Variants in PHF21B observed in about 807,000 individuals in gnomAD.
PHF21B encodes PHD finger protein 21B, also known as PHD finger protein 4.
In PHF21B, 22 loss-of-function variants were observed where a neutral mutation model predicts 62.2. The observed-to-expected ratio is 0.35, with a 90% confidence interval of 0.25 to 0.51. PHF21B has a LOEUF of 0.51. Among genes scored for constraint, PHF21B ranks in the 20% least tolerant of loss-of-function variants. The pLI is 0.97. For missense variants in PHF21B, 701 were observed against 707.9 expected, an observed-to-expected ratio of 0.99 and a Z score of 0.11; for synonymous variants, 341 against 314.7, an observed-to-expected ratio of 1.08 and a Z score of -0.88.
rs1211236235 is a variant in PHF21B, at chr22:44,883,263, C to T, written c.1419G>A (p.Arg473=). ...ELKTSLLARQ[R]GTQSSLDRLR... Reference sequence around the variant, plus strand: ...GGCGGTCCAGGGATGACTGGGTGCCCCTCTGGCGGGCCAGCAGGCTTGTCT... The same window carrying T: ...GGCGGTCCAGGGATGACTGGGTGCCTCTCTGGCGGGCCAGCAGGCTTGTCT... Residue 473 remains arginine, a synonymous_variant, in exon 13 of 13, where the codon AGG becomes AGA. Transcript: ENST00000313237. The T allele has an allele frequency of 6.2e-7, 1 of 1,613,772 alleles. No individual in the cohort carries two copies. The highest frequency in any genetic ancestry group is 8.5e-7 in the Non-Finnish European group (1 of 1,179,948).
chr22:44,935,592 C>T (rs988670994), intron 2 of PHF21B, among the ~76,000 whole-genome samples: 24 of 150,656 alleles, frequency 1.6e-4, no homozygotes, highest in Admixed American at 1.1e-3. Context: ...CTAGCCTGGG[C>T]GACAGAGCAA....
At chr22:45,008,964 G>A (rs1229490948) in intron 1 of PHF21B, 14 of 1,078,968 alleles carry the variant, frequency 1.3e-5, no homozygotes, top group Non-Finnish European at 1.5e-5. Context: ...AGTAAACACG[G>A]CGAGTCCGTG....
chr22:44,917,666 T>C (rs541739838), intron 3 of PHF21B, among the ~76,000 whole-genome samples: 82 of 152,302 alleles, frequency 5.4e-4, no homozygotes, highest in African/African-American at 1.9e-3. Context: ...GTAATAATGA[T>C]GCTACCGTCG....
chr22:44,931,257 G>T (rs1192003825), intron 2 of PHF21B, among the ~76,000 whole-genome samples: 8 of 152,118 alleles, frequency 5.3e-5, no homozygotes. Flanking sequence ...CCAGAATGCT[G>T]CTCATGTCTC....
intron 11 of PHF21B, 141 bp downstream of exon 11, chr22:44,885,722 T>TC: frequency 9.3e-7 from 1 of 1,072,500 alleles, no homozygotes; most frequent in South Asian, 1.5e-5. Flanking sequence ...ACAGGACCGG[T>TC]CCCAGGATCC....
intron 2 of PHF21B, among the ~76,000 whole-genome samples, chr22:44,988,286 G>A (rs987848357): frequency 1.3e-5 from 2 of 152,138 alleles, no homozygotes; most frequent in Admixed American, 6.5e-5. Flanking sequence ...GGGCATCATA[G>A]TGAGACCTCG....
In PHF21B at chr22:44,913,979, A is replaced by T; in HGVS notation, c.674T>A (p.Leu225His). 1 of 894,118 alleles carries T rather than the reference A, an allele frequency of 1.1e-6. No individual in the cohort carries two copies. Among genetic ancestry groups the T allele is most frequent in the Non-Finnish European group, 1.4e-6 (1 of 700,686 alleles). 55.4% of individuals were successfully genotyped at this position (894,118 alleles called of 1,614,324 possible). A position where few individuals can be genotyped will look rare whatever the true frequency, so the allele number is the denominator to read the frequency against. Residue 225 changes from leucine to histidine, a missense_variant, in exon 5 of 13, where the codon CTC becomes CAC. Physicochemically the swap from Leu to His is moderately conservative, Grantham distance 99. Transcript: ENST00000313237. ...PPSPSLSPSP[L>H]HGIFQVIIIQ... ...GATGATGACCTGGAAGATGCCATGG[A>T]GGGGTGAAGGGGACAGTGATGGGGA... is the stretch of plus-strand genomic sequence containing the variant.
intron 5 of PHF21B, among the ~76,000 whole-genome samples, chr22:44,896,880 G>GTTTTTTTTTTT (rs56878868): frequency 0.038 from 3,174 of 83,624 alleles, 438 homozygotes; most frequent in African/African-American, 0.069. Flanking sequence ...AGTTTTATCT[G>GTTTTTTTTTTT]TTTTTTTTTT....
intron 10 of PHF21B, 140 bp from the exon 11 acceptor site, chr22:44,886,078 G>A (rs563122342): frequency 2.4e-5 from 17 of 694,162 alleles, no homozygotes; most frequent in African/African-American, 5.3e-5. Flanking sequence ...AGCTGGGGCC[G>A]CACATGCCTC....
At chr22:44,887,026 C>G (rs1485587033) in intron 10 of PHF21B, among the ~76,000 whole-genome samples, 9 of 151,876 alleles carry the variant, frequency 5.9e-5, no homozygotes, top group African/African-American at 2.4e-5. Flanking sequence ...AGTGGTGGCG[C>G]ATGCCTGTAA....
At chr22:44,998,797 T>C (rs1344943074) in intron 2 of PHF21B, among the ~76,000 whole-genome samples, 1 of 152,144 alleles carries the variant, frequency 6.6e-6, no homozygotes, top group African/African-American at 2.4e-5. Context: ...TGACAACAGC[T>C]CTCTCTACTC....
rs545099353 is a variant in PHF21B at position 44,919,185 on chromosome 22, C to T, written c.213+1213G>A. 6.1e-5 allele frequency among the ~76,000 whole-genome samples: 9 copies of T among 148,044 alleles called. No individual in the cohort carries two copies. In the East Asian group the frequency reaches 1.4e-3, roughly 22 times the overall value. ...GTGTGGCAAGTCTCCTCAGGGCTCC[C>T]GCCCCGCAGTGTCTCTTTCTGGCAT... On this transcript the variant is annotated intron_variant, in intron 3 of 12. Transcript: ENST00000313237.
intron 2 of PHF21B, among the ~76,000 whole-genome samples, chr22:44,997,627 T>TAA (rs1377221252): frequency 6.6e-6 from 1 of 152,204 alleles, no homozygotes; most frequent in Admixed American, 6.5e-5. Context: ...TTCTGGATCA[T>TAA]AGTCTCTAAT....
intron 5 of PHF21B, among the ~76,000 whole-genome samples, chr22:44,911,781 A>G (rs1416080223): frequency 6.6e-6 from 1 of 152,256 alleles, no homozygotes; most frequent in Non-Finnish European, 1.5e-5. Context: ...CGGAGTCTCT[A>G]CTGGGGCACT....
chr22:44,905,027 C>T (rs920531283), intron 5 of PHF21B, among the ~76,000 whole-genome samples: 10 of 152,142 alleles, frequency 6.6e-5, no homozygotes, highest in African/African-American at 2.4e-4. Flanking sequence ...CTCTAGCCTC[C>T]TAGATTTGCT....
At position 45,009,439 on chromosome 22, in the gene PHF21B, G is replaced by A; in HGVS notation, c.54+57C>T. 1 of 1,470,036 alleles carries A rather than the reference G, an allele frequency of 6.8e-7. No individual in the cohort carries two copies. Among genetic ancestry groups the A allele is most frequent in the Non-Finnish European group, 9.0e-7 (1 of 1,105,448 alleles). The allele number at this position is 1,470,036 out of a possible 1,614,324, so 91.1% of individuals were successfully genotyped here. The stretch of plus-strand genomic sequence containing the variant: ...AGAGGATGCTGGGCTCGGGTCCCCC[G>A]ACCCCCTCACCCCGCAACACACTCC... On this transcript the variant is annotated intron_variant, in intron 1 of 12. Transcript: ENST00000313237. This position sits in a 1 kb window ranked among gnomAD's most constrained non-coding sequence, Gnocchi z 5.9.
intron 2 of PHF21B, among the ~76,000 whole-genome samples, chr22:44,931,394 C>T (rs185094524): frequency 2.0e-5 from 3 of 152,198 alleles, no homozygotes; most frequent in African/African-American, 4.8e-5. Flanking sequence ...AAAGCCAGGC[C>T]GGCCGAGGCA....
At chr22:44,947,685 C>T (rs1026648875) in intron 2 of PHF21B, among the ~76,000 whole-genome samples, 4 of 152,236 alleles carry the variant, frequency 2.6e-5, no homozygotes, top group African/African-American at 9.6e-5. Flanking sequence ...CCTGCTCTTG[C>T]CACTGCCATC....
chr22:44,992,769 G>C (rs1188512980), intron 2 of PHF21B, among the ~76,000 whole-genome samples: 1 of 152,172 alleles, frequency 6.6e-6, no homozygotes, highest in East Asian at 1.9e-4. Flanking sequence ...GGGGACAGGA[G>C]GACGGGAGTG....
Sources: allele counts gnomAD v4.1 joint callset (sites outside exome capture counted in the v4.1 genomes callset), GRCh38; gene constraint gnomAD v4.1.1; non-coding constraint Gnocchi (gnomAD v3.1); transcripts MANE v1.5; gene names NCBI Gene and HGNC (gene_info 2026-07-23, HGNC 2026-07-21).